The following EFHC2 variants were observed in gnomAD, a reference collection of about 807,000 sequenced individuals.
The protein encoded by EFHC2 is EF-hand domain-containing family member C2.
Under a neutral mutation model 52.7 loss-of-function variants are expected in EFHC2, and 18 were observed. The observed-to-expected ratio is 0.34, with a 90% CI of 0.24 to 0.51. EFHC2 has a LOEUF of 0.51. EFHC2 is among the 20% of genes least tolerant of loss of function. EFHC2 has a pLI of 0.97. For missense variants in EFHC2, 513 were observed against 562.5 expected (o/e 0.91, Z 0.89); for synonymous variants, 203 against 204.1 (o/e 0.99, Z 0.04).
chrX:44,182,248 C>T (rs906516863), intron 11 of EFHC2, among the ~76,000 whole-genome samples: 1 of 112,464 alleles, frequency 8.9e-6, no homozygotes, highest in African/African-American at 3.2e-5. Flanking sequence ...TGTATCAGGA[C>T]TTCATCGTTT....
At chrX:44,260,206 AG>A (rs967395934) in intron 4 of EFHC2, among the ~76,000 whole-genome samples, 2 of 111,419 alleles carry the variant, frequency 1.8e-5, no homozygotes, top group African/African-American at 6.5e-5. Context: ...GGTAGGTTAT[AG>A]GGGTACGTGT....
intron 7 of EFHC2, among the ~76,000 whole-genome samples, chrX:44,247,196 A>G (rs1032917366): frequency 2.7e-5 from 3 of 112,407 alleles, no homozygotes; most frequent in African/African-American, 9.7e-5. Flanking sequence ...AGTGCAACAA[A>G]TTCCCCTAAT....
chrX:44,244,024 CTAAGCAGTCTAACCAA>C (rs2037380892), intron 7 of EFHC2, among the ~76,000 whole-genome samples: 1 of 111,827 alleles, frequency 8.9e-6, no homozygotes, highest in Non-Finnish European at 1.9e-5. Flanking sequence ...ACATACCAAT[CTAAGCAGTCTAACCAA>C]AAGAGGACAC....
intron 11 of EFHC2, among the ~76,000 whole-genome samples, chrX:44,227,662 CAT>C (rs2037243506): frequency 8.9e-6 from 1 of 111,734 alleles, no homozygotes; most frequent in South Asian, 3.8e-4. Flanking sequence ...AGCACATACA[CAT>C]AGATACCCCA....
chrX:44,248,800 TC>T lies in EFHC2; in HGVS notation c.972+2del. On this transcript the variant is annotated splice_donor_variant, in intron 6 of 14. Transcript: ENST00000420999. LOFTEE classifies it high-confidence loss of function. The stretch of plus-strand genomic sequence containing the variant: ...ACAGGTAATAAAATATGAGGTTCCT[TC>T]CCTTATATCTATCGAACAGGTAGCC... 1 of 1,194,811 alleles carries T rather than the reference TC, an allele frequency of 8.4e-7. No individual in the cohort carries two copies. Among genetic ancestry groups the T allele is most frequent in the Non-Finnish European group, 1.1e-6 (1 of 881,246 alleles).
rs1007422106 is a variant in EFHC2, at chrX:44,279,879, G to A, written c.232-7043C>T. Among the ~76,000 whole-genome samples, 6 of 109,889 alleles carry A rather than the reference G, an allele frequency of 5.5e-5. No homozygotes were observed. In the East Asian group the frequency reaches 1.1e-3, roughly 21 times the overall value. On this transcript the variant is annotated intron_variant, in intron 2 of 14. Coordinates refer to ENST00000420999, the MANE Select transcript of EFHC2 (RefSeq NM_025184.4). ...AGGTGAATTCCTATGCCTAATAGAC[G>A]TACCATGAAAAAAAAGTAACTGTAA...
intron 11 of EFHC2, among the ~76,000 whole-genome samples, chrX:44,209,114 ATTAAT>A (rs1327175700): frequency 6.6e-5 from 7 of 106,024 alleles, no homozygotes; most frequent in African/African-American, 2.1e-4. Flanking sequence ...TTAATCTTAG[ATTAAT>A]TTAAGACCCA....
intron 3 of EFHC2, 78 bp downstream of exon 3, chrX:44,272,608 T>C (rs2037625472): frequency 2.9e-6 from 3 of 1,052,130 alleles, no homozygotes; most frequent in Non-Finnish European, 3.8e-6. Flanking sequence ...ATGCAGTCTT[T>C]TGAAAAGCTA....
At position 44,235,467 on chromosome X, in the gene EFHC2, G is replaced by C. The variant is rs1465200393; in HGVS notation, c.1281-20C>G. 5.2e-6 allele frequency: 6 copies of C among 1,164,306 alleles called. No individual in the cohort carries two copies. The highest frequency in any genetic ancestry group is 6.9e-6 in the Non-Finnish European group (6 of 871,551). On this transcript the variant is annotated intron_variant, in intron 8 of 14. Transcript: ENST00000420999. The stretch of plus-strand genomic sequence containing the variant: ...CCATAGCTAAATGGAAGAGAAATGA[G>C]AGTTAGAGCATTATACAGGTAATCT...
At chrX:44,284,874 A>G (rs9887166) in intron 2 of EFHC2, 16,837 of 111,614 alleles carry the variant, frequency 0.15, 1,279 homozygotes, top group African/African-American at 0.27. Flanking sequence ...ATTCAAAAGC[A>G]CAAAGAAAAG....
intron 11 of EFHC2, among the ~76,000 whole-genome samples, chrX:44,206,314 C>T (rs974337928): frequency 6.3e-5 from 7 of 111,489 alleles, no homozygotes; most frequent in African/African-American, 2.0e-4. Context: ...CAAGTATGTC[C>T]GCTCTCTCCA....
intron 11 of EFHC2, among the ~76,000 whole-genome samples, chrX:44,213,877 G>A (rs904209307): frequency 8.9e-6 from 1 of 112,129 alleles, no homozygotes; most frequent in Middle Eastern, 4.6e-3. Flanking sequence ...TTGCTGAGAG[G>A]AGGGATCCAT....
At chrX:44,282,984 G>C (rs2037718762) in intron 2 of EFHC2, among the ~76,000 whole-genome samples, 1 of 109,649 alleles carries the variant, frequency 9.1e-6, no homozygotes, top group African/African-American at 3.3e-5. Flanking sequence ...ATGGGGGCTG[G>C]GCAGGCTTCC....
chrX:44,305,531 A>G (rs1460683397), intron 2 of EFHC2, among the ~76,000 whole-genome samples: 2 of 112,130 alleles, frequency 1.8e-5, no homozygotes, highest in African/African-American at 6.5e-5. Flanking sequence ...TAGATAATAA[A>G]ATATTATCTA....
chrX:44,190,177 C>T (rs1388359268), intron 11 of EFHC2, among the ~76,000 whole-genome samples: 1 of 111,542 alleles, frequency 9.0e-6, no homozygotes, highest in Non-Finnish European at 1.9e-5. Context: ...CAAAACCCAG[C>T]CCATGACCTT....
Position 44,279,393 on chromosome X carries a change from C to T in EFHC2, c.232-6557G>A, listed in dbSNP as rs777403295. 1.0e-3 allele frequency among the ~76,000 whole-genome samples: 114 copies of T among 110,734 alleles called. 1 individual carries two copies. Among genetic ancestry groups the T allele is most frequent in the Non-Finnish European group, 2.0e-3 (104 of 52,803 alleles). On this transcript the variant is annotated intron_variant, in intron 2 of 14. Coordinates refer to ENST00000420999, the MANE Select transcript of EFHC2 (RefSeq NM_025184.4). ...AAGCAAAAATTTGTCATAAGAAAAACAGAAAGCAAAAAAGATAGTAAGGAT... is the reference window on the plus strand; with the variant it reads ...AAGCAAAAATTTGTCATAAGAAAAATAGAAAGCAAAAAAGATAGTAAGGAT...
chrX:44,176,444 C>T, intron 12 of EFHC2, 60 bp from the exon 13 acceptor site: 1 of 786,906 alleles, frequency 1.3e-6, no homozygotes, highest in Non-Finnish European at 1.8e-6. Context: ...GTAATAATTA[C>T]ATACTATAGG....
At chrX:44,291,959 GT>G (rs1270636952) in intron 2 of EFHC2, among the ~76,000 whole-genome samples, 9 of 111,630 alleles carry the variant, frequency 8.1e-5, no homozygotes, top group African/African-American at 2.9e-4. Context: ...CCAAACCACT[GT>G]TTAAAATCAG....
chrX:44,165,513 T>G (rs1288180110), intron 13 of EFHC2, among the ~76,000 whole-genome samples: 1 of 112,311 alleles, frequency 8.9e-6, no homozygotes, highest in East Asian at 2.8e-4. Flanking sequence ...CCATTATTTC[T>G]TTTATTTGTG....
Sources: gnomAD v4.1 joint callset for allele counts (sites outside exome capture counted in the v4.1 genomes callset) on GRCh38, gnomAD v4.1.1 for gene constraint, MANE v1.5 for transcripts, NCBI Gene and HGNC (gene_info 2026-07-23, HGNC 2026-07-21) for gene names.